Variants in PEBP4 observed in about 807,000 individuals in gnomAD.
PEBP4 encodes the protein phosphatidylethanolamine binding protein 4, also known as phosphatidylethanolamine-binding protein 4.
Under a neutral mutation model 23.9 loss-of-function variants are expected in PEBP4, and 22 were observed. The observed-to-expected ratio is 0.92, with a 90% confidence interval of 0.66 to 1.31. The LOEUF (loss-of-function observed/expected upper bound fraction) is 1.31, where lower values mean the gene tolerates loss of function less well. PEBP4 is among the 40% of genes most tolerant of loss of function. PEBP4 has a pLI of 0.00. For missense variants in PEBP4, 324 were observed against 281.7 expected (o/e 1.15, Z -1.07); for synonymous variants, 112 against 99.3 (o/e 1.13, Z -0.76).
intron 4 of PEBP4, among the ~76,000 whole-genome samples, chr8:22,744,401 A>T (rs1805067242): frequency 6.6e-6 from 1 of 152,174 alleles, no homozygotes; most frequent in South Asian, 2.1e-4. Flanking sequence ...GGCCACCATG[A>T]CAGGGTCTGC....
intron 3 of PEBP4, among the ~76,000 whole-genome samples, chr8:22,823,606 A>G (rs1358692979): frequency 6.6e-6 from 1 of 151,852 alleles, no homozygotes; most frequent in Non-Finnish European, 1.5e-5. Flanking sequence ...AAAAATACAC[A>G]CCAAACTGTT....
chr8:22,844,762 G>T (rs2128766217), intron 3 of PEBP4, among the ~76,000 whole-genome samples: 1 of 152,252 alleles, frequency 6.6e-6, no homozygotes, highest in South Asian at 2.1e-4. Flanking sequence ...TTACTGCTTT[G>T]CCCCCAGCCA....
intron 4 of PEBP4, among the ~76,000 whole-genome samples, chr8:22,769,692 T>C (rs750017904): frequency 1.3e-5 from 2 of 152,222 alleles, no homozygotes. Context: ...CCAGTCACTT[T>C]TCAAATTCTG....
intron 3 of PEBP4, among the ~76,000 whole-genome samples, chr8:22,818,895 G>A (rs1305481415): frequency 6.6e-6 from 1 of 152,144 alleles, no homozygotes; most frequent in Non-Finnish European, 1.5e-5. Context: ...TGGAGAAAGA[G>A]AAATTGAGGA....
At chr8:22,791,111 T>C (rs1044929835) in intron 4 of PEBP4, among the ~76,000 whole-genome samples, 1 of 152,106 alleles carries the variant, frequency 6.6e-6, no homozygotes, top group African/African-American at 2.4e-5. Flanking sequence ...AAGGGCTGCC[T>C]CTTCACGCAG....
chr8:22,803,258 T>C (rs1806426636), intron 4 of PEBP4, among the ~76,000 whole-genome samples: 1 of 152,148 alleles, frequency 6.6e-6, no homozygotes, highest in Admixed American at 6.5e-5. Context: ...ACTCGGCCCC[T>C]GAAGACACAG....
At chr8:22,855,916 C>A (rs1394932470) in intron 3 of PEBP4, among the ~76,000 whole-genome samples, 1 of 151,714 alleles carries the variant, frequency 6.6e-6, no homozygotes, top group African/African-American at 2.4e-5. Context: ...GTGGTGCACG[C>A]CTGTATTGCC....
chr8:22,864,622 G>A (rs1807847507), intron 3 of PEBP4, among the ~76,000 whole-genome samples: 1 of 152,212 alleles, frequency 6.6e-6, no homozygotes, highest in South Asian at 2.1e-4. Context: ...GGAGGAAGCG[G>A]CTTCCATTCA....
At chr8:22,834,250 C>A (rs922038165) in intron 3 of PEBP4, among the ~76,000 whole-genome samples, 7 of 152,224 alleles carry the variant, frequency 4.6e-5, no homozygotes, top group Non-Finnish European at 1.0e-4. Flanking sequence ...TATGGGAAAT[C>A]TAGTTAAGAG....
intron 3 of PEBP4, among the ~76,000 whole-genome samples, chr8:22,837,042 C>A (rs2128764989): frequency 6.6e-6 from 1 of 152,316 alleles, no homozygotes; most frequent in East Asian, 1.9e-4. Context: ...AATGGCACTG[C>A]CATTTTGTGA....
chr8:22,806,300 G>A (rs1806493125), intron 4 of PEBP4, among the ~76,000 whole-genome samples: 1 of 152,098 alleles, frequency 6.6e-6, no homozygotes. Context: ...CTAAAATTTG[G>A]TGAGCATGCT....
chr8:22,836,093 C>T lies in PEBP4; in HGVS notation c.259-18358G>A, dbSNP rs556255772. Among the ~76,000 whole-genome samples, 19 of 152,356 alleles carry T rather than the reference C, an allele frequency of 1.2e-4. 1 individual carries two copies. In the South Asian group the frequency reaches 2.3e-3, roughly 18 times the overall value. Reference sequence around the variant, plus strand: ...GTGAACTTCAGATGTGAATCCTACTCGGCTGCTGTGCAGCCTTGGGCAAGT... The same window carrying T: ...GTGAACTTCAGATGTGAATCCTACTTGGCTGCTGTGCAGCCTTGGGCAAGT... On this transcript the variant is annotated intron_variant, in intron 3 of 6. Coordinates refer to ENST00000256404, the MANE Select transcript of PEBP4 (RefSeq NM_144962.3).
chr8:22,801,768 C>T (rs1806387449), intron 4 of PEBP4, among the ~76,000 whole-genome samples: 1 of 152,096 alleles, frequency 6.6e-6, no homozygotes, highest in Non-Finnish European at 1.5e-5. Context: ...CCACAGCAGC[C>T]CGGCTCCCAG....
At chr8:22,832,037 G>A (rs1807093360) in intron 3 of PEBP4, among the ~76,000 whole-genome samples, 1 of 152,132 alleles carries the variant, frequency 6.6e-6, no homozygotes, top group African/African-American at 2.4e-5. Flanking sequence ...ATGTGATGTG[G>A]TGGGGGTGGA....
intron 4 of PEBP4, among the ~76,000 whole-genome samples, chr8:22,795,534 G>A (rs1040444638): frequency 6.6e-6 from 1 of 151,986 alleles, no homozygotes; most frequent in Non-Finnish European, 1.5e-5. Flanking sequence ...TCCCTTATTA[G>A]TCTTGTTTCA....
intron 4 of PEBP4, among the ~76,000 whole-genome samples, chr8:22,738,066 C>A (rs573798030): frequency 6.6e-6 from 1 of 152,132 alleles, no homozygotes; most frequent in Non-Finnish European, 1.5e-5. Flanking sequence ...ATGGCTGCGC[C>A]GTGGGCTTGG....
At chr8:22,746,849 G>T (rs1313186597) in intron 4 of PEBP4, among the ~76,000 whole-genome samples, 1 of 152,164 alleles carries the variant, frequency 6.6e-6, no homozygotes, top group Non-Finnish European at 1.5e-5. Context: ...AAGTTCGGAG[G>T]AATGGAGTTG....
intron 4 of PEBP4, among the ~76,000 whole-genome samples, chr8:22,777,360 C>T (rs1805833508): frequency 6.6e-6 from 1 of 152,156 alleles, no homozygotes; most frequent in African/African-American, 2.4e-5. Flanking sequence ...CCACAGTGGA[C>T]AGGCTGTTGG....
intron 2 of PEBP4, among the ~76,000 whole-genome samples, chr8:22,922,840 G>C (rs1809239519): frequency 6.6e-6 from 1 of 152,138 alleles, no homozygotes; most frequent in South Asian, 2.1e-4. Flanking sequence ...GGAGAGTTTG[G>C]GGATCTCCTG....
Sources: gnomAD v4.1 joint callset for allele counts (sites outside exome capture counted in the v4.1 genomes callset) on GRCh38, gnomAD v4.1.1 for gene constraint, MANE v1.5 for transcripts, NCBI Gene and HGNC (gene_info 2026-07-23, HGNC 2026-07-21) for gene names.